Variants in MTMR7 observed in about 807,000 individuals in gnomAD.
MTMR7 encodes myotubularin related protein 7.
In MTMR7, 76 loss-of-function variants were observed where a neutral mutation model predicts 81.2. The ratio of observed to expected loss-of-function variants is 0.94; its 90% CI spans 0.78 to 1.13. The LOEUF (loss-of-function observed/expected upper bound fraction) is 1.13. MTMR7 is among the 50% of genes most tolerant of loss of function. The probability of loss-of-function intolerance (pLI) is 0.00; values close to 1 mark genes in which losing one functional copy is unlikely to be tolerated. For synonymous variants in MTMR7, 372 were observed against 289.8 expected, an observed-to-expected ratio of 1.28 and a Z score of -2.88; for missense variants, 1,044 against 820.0, an observed-to-expected ratio of 1.27 and a Z score of -3.34.
chr8:17,369,896 C>T (rs56835758), intron 3 of MTMR7, among the ~76,000 whole-genome samples: 2,124 of 152,054 alleles, frequency 0.014, 54 homozygotes, highest in East Asian at 0.075. Context: ...CCGCCTGCCT[C>T]GGCCTCCCAA....
chr8:17,348,767 T>C (rs187254596), intron 5 of MTMR7, among the ~76,000 whole-genome samples, 186 bp downstream of exon 5: 20 of 152,092 alleles, frequency 1.3e-4, no homozygotes, highest in African/African-American at 2.9e-4. Context: ...CAAATAAACA[T>C]AGGAAGTCTA....
intron 6 of MTMR7, among the ~76,000 whole-genome samples, chr8:17,340,865 T>A (rs932895759): frequency 2.6e-5 from 4 of 152,218 alleles, no homozygotes; most frequent in Non-Finnish European, 4.4e-5. Context: ...TTTACACACC[T>A]AGAACTTTTT....
intron 1 of MTMR7, among the ~76,000 whole-genome samples, chr8:17,386,526 C>A (rs1027400162): frequency 2.0e-5 from 3 of 152,208 alleles, no homozygotes; most frequent in Admixed American, 6.5e-5. Flanking sequence ...GATCATACGT[C>A]TACAAAGGTC....
At chr8:17,355,464 T>C (rs1819862885) in intron 4 of MTMR7, among the ~76,000 whole-genome samples, 1 of 152,098 alleles carries the variant, frequency 6.6e-6, no homozygotes, top group Non-Finnish European at 1.5e-5. Context: ...GACTTTTAAG[T>C]ATCAAGATTA....
Position 17,364,042 on chromosome 8 carries a change from TTTTTTC to T in MTMR7, c.311-2774_311-2769del, listed in dbSNP as rs1293740595. On this transcript the variant is annotated intron_variant, in intron 3 of 13. Coordinates refer to ENST00000180173, the MANE Select transcript of MTMR7 (RefSeq NM_004686.5). ...TATTATTTTTTTTTTTTTTTTTTTTTTTTTTCAGACGGAGTCTCGCTCTGTCGCCCA... is the reference window on the plus strand; with the variant it reads ...TATTATTTTTTTTTTTTTTTTTTTTTAGACGGAGTCTCGCTCTGTCGCCCA... Among the ~76,000 whole-genome samples the T allele has an allele frequency of 3.5e-3, 479 of 137,768 alleles. 2 individuals are homozygous for T. The highest frequency in any genetic ancestry group is 0.013 in the African/African-American group (457 of 34,890). The allele number at this position is 137,768 out of a possible 152,430, so 90.4% of individuals were successfully genotyped here. A position where few individuals can be genotyped will look rare whatever the true frequency, so the allele number is the denominator to read the frequency against.
intron 13 of MTMR7, 187 bp from the exon 14 acceptor site, chr8:17,300,411 T>C (rs1817038551): frequency 1.6e-6 from 1 of 615,758 alleles, no homozygotes; most frequent in African/African-American, 1.8e-5. Flanking sequence ...GCTTTATCTC[T>C]AATGTAAGGA....
intron 7 of MTMR7, among the ~76,000 whole-genome samples, chr8:17,330,553 A>G (rs1250850004): frequency 1.3e-5 from 2 of 152,240 alleles, no homozygotes; most frequent in Non-Finnish European, 2.9e-5. Flanking sequence ...GGCCACATGA[A>G]TAACTCTTCT....
At chr8:17,320,822 C>T (rs569415056) in intron 7 of MTMR7, among the ~76,000 whole-genome samples, 9 of 152,332 alleles carry the variant, frequency 5.9e-5, no homozygotes, top group African/African-American at 2.2e-4. Flanking sequence ...CAAATTCCAG[C>T]ACCCTCCATG....
chr8:17,314,248 AC>A (rs2150493141), intron 7 of MTMR7, among the ~76,000 whole-genome samples: 1 of 152,298 alleles, frequency 6.6e-6, no homozygotes, highest in East Asian at 1.9e-4. Context: ...TTATCAATCA[AC>A]CAATGAAATT....
chr8:17,343,229 C>G (rs1454441820), intron 5 of MTMR7, among the ~76,000 whole-genome samples: 1 of 152,052 alleles, frequency 6.6e-6, no homozygotes, highest in African/African-American at 2.4e-5. Context: ...GAGTTCGAGA[C>G]CAGCCTGTCC....
rs201210075 is a variant in MTMR7 at position 17,348,392 on chromosome 8, A to AC, written c.597+560_597+561insG. ...TTCTTTACTAAAAATACAAAAAAAAAACCCAAAATTAGCTGGGCATGTTGG... is the reference window on the plus strand; with the variant it reads ...TTCTTTACTAAAAATACAAAAAAAAACACCCAAAATTAGCTGGGCATGTTGG... On this transcript the variant is annotated intron_variant, in intron 5 of 13. Coordinates refer to ENST00000180173, the MANE Select transcript of MTMR7 (RefSeq NM_004686.5). Among the ~76,000 whole-genome samples, 574 of 147,932 alleles carry AC rather than the reference A, an allele frequency of 3.9e-3. 3 individuals are homozygous for AC. The highest frequency in any genetic ancestry group is 0.014 in the African/African-American group (529 of 39,128).
At chr8:17,308,457 C>T (rs902517436) in intron 10 of MTMR7, among the ~76,000 whole-genome samples, 2 of 152,126 alleles carry the variant, frequency 1.3e-5, no homozygotes, top group Non-Finnish European at 2.9e-5. Context: ...AATTAGTGAT[C>T]AATTAATGCT....
At chr8:17,360,400 A>G (rs1214672874) in intron 4 of MTMR7, among the ~76,000 whole-genome samples, 1 of 152,078 alleles carries the variant, frequency 6.6e-6, no homozygotes, top group Non-Finnish European at 1.5e-5. Context: ...AAAGTTATCA[A>G]ACTATACAGA....
At chr8:17,411,665 A>G (rs1821737927) in intron 1 of MTMR7, among the ~76,000 whole-genome samples, 1 of 152,218 alleles carries the variant, frequency 6.6e-6, no homozygotes, top group South Asian at 2.1e-4. Context: ...CAGATAAATA[A>G]GGATTTCTGA....
chr8:17,370,290 G>A (rs1486446734), intron 3 of MTMR7, among the ~76,000 whole-genome samples: 2 of 151,938 alleles, frequency 1.3e-5, no homozygotes, highest in East Asian at 1.9e-4. Context: ...TGAGGCCGAG[G>A]CAGGTAGATT....
Position 17,361,151 on chromosome 8 carries a change from T to A in MTMR7, c.434A>T (p.Tyr145Phe), listed in dbSNP as rs201283564. ...EYTRMGLPNH[Y>F]WQLSDVNRDY... ...TCTATTCACATCGCTGAGCTGCCAG[T>A]AATGATTAGGGAGGCCCATCCGCGT... Residue 145 changes from tyrosine to phenylalanine, a missense_variant, in exon 4 of 14, where the codon TAC becomes TTC. Physicochemically the swap from Tyr to Phe is conservative, Grantham distance 22. Transcript: ENST00000180173. 5.6e-6 allele frequency: 9 copies of A among 1,614,188 alleles called. No individual in the cohort carries two copies. Among genetic ancestry groups the A allele is most frequent in the Non-Finnish European group, 7.6e-6 (9 of 1,180,034 alleles).
At chr8:17,396,328 G>T (rs1417389083) in intron 1 of MTMR7, among the ~76,000 whole-genome samples, 1 of 152,166 alleles carries the variant, frequency 6.6e-6, no homozygotes, top group Admixed American at 6.5e-5. Flanking sequence ...ACTGACAAGG[G>T]TAACAAAGAC....
intron 7 of MTMR7, among the ~76,000 whole-genome samples, chr8:17,316,557 C>T (rs2150498861): frequency 6.6e-6 from 1 of 151,922 alleles, no homozygotes; most frequent in East Asian, 1.9e-4. Flanking sequence ...CATAGAGTTC[C>T]TAAGTCTTCA....
At chr8:17,340,286 C>G (rs1819366331) in intron 6 of MTMR7, among the ~76,000 whole-genome samples, 1 of 152,220 alleles carries the variant, frequency 6.6e-6, no homozygotes, top group Non-Finnish European at 1.5e-5. Context: ...CATAATTTCT[C>G]TATCCCACTC....
Sources: allele counts gnomAD v4.1 joint callset (sites outside exome capture counted in the v4.1 genomes callset), GRCh38; gene constraint gnomAD v4.1.1; transcripts MANE v1.5; gene names NCBI Gene and HGNC (gene_info 2026-07-23, HGNC 2026-07-21).